TENM2: variants seen among roughly 807,000 people sequenced by gnomAD.
The protein encoded by TENM2 is teneurin transmembrane protein 2.
Under a neutral mutation model 245.2 loss-of-function variants are expected in TENM2, and 52 were observed. The ratio of observed to expected loss-of-function variants is 0.21; its 90% CI spans 0.17 to 0.27. TENM2 has a LOEUF of 0.27. Ranked by LOEUF, TENM2 falls within the 10% of genes least tolerant of loss-of-function variation. The pLI is 1.00. For synonymous variants in TENM2, 1,363 were observed against 1,438.9 expected (o/e 0.95, Z 1.19); for missense variants, 3,046 against 3,666.8 (o/e 0.83, Z 4.37).
chr5:167,242,568 T>A, the TENM2 span, among the ~76,000 whole-genome samples: 2 of 152,182 alleles, frequency 1.3e-5, no homozygotes, highest in Admixed American at 1.3e-4. Flanking sequence ...TTCTCCAGCC[T>A]ACTCTATGAG....
chr5:168,184,494 G>A (rs1327651393), intron 13 of TENM2, among the ~76,000 whole-genome samples: 3 of 152,224 alleles, frequency 2.0e-5, no homozygotes, highest in Non-Finnish European at 4.4e-5. Context: ...ATTGGAGAGA[G>A]ACTCACTTGC....
At chr5:168,074,169 C>A (rs1210520110) in intron 7 of TENM2, among the ~76,000 whole-genome samples, 1 of 152,140 alleles carries the variant, frequency 6.6e-6, no homozygotes, top group East Asian at 1.9e-4. Flanking sequence ...AGACACTTTA[C>A]CCTTTTCTAT....
chr5:168,000,436 G>T (rs557822913), intron 5 of TENM2, among the ~76,000 whole-genome samples: 3 of 152,264 alleles, frequency 2.0e-5, no homozygotes, highest in Non-Finnish European at 4.4e-5. Flanking sequence ...TTTGAAGTCT[G>T]GCCTGTATAC....
At position 167,411,513 on chromosome 5, in the gene TENM2, A is replaced by G. The variant is rs1270102903; in HGVS notation, c.502+36040A>G. 2.6e-5 allele frequency among the ~76,000 whole-genome samples: 4 copies of G among 151,524 alleles called. No individual in the cohort carries two copies. In the East Asian group the frequency reaches 5.8e-4, roughly 22 times the overall value. ...TCTAAATTATCAGTCTCCAAAGGCT[A>G]TGATATTTGTTACCCAAGTTGTGTC... On this transcript the variant is annotated intron_variant, in intron 2 of 28. Transcript: ENST00000518659.
chr5:167,434,116 A>G (rs1474913449), intron 2 of TENM2, among the ~76,000 whole-genome samples: 1 of 152,150 alleles, frequency 6.6e-6, no homozygotes, highest in East Asian at 1.9e-4. Context: ...TATTGGAATC[A>G]TATTAATTCA....
At chr5:167,372,050 A>G (rs962713209) in intron 1 of TENM2, among the ~76,000 whole-genome samples, 6 of 152,160 alleles carry the variant, frequency 3.9e-5, no homozygotes, top group African/African-American at 1.4e-4. Context: ...ATTGGCAAGG[A>G]GTGAACCTGT....
the TENM2 span, among the ~76,000 whole-genome samples, chr5:167,099,625 G>T: frequency 6.6e-6 from 1 of 152,180 alleles, no homozygotes; most frequent in East Asian, 1.9e-4. Flanking sequence ...AACCCGGGAG[G>T]TGGAGGTTGC....
chr5:167,664,790 T>A (rs1224715836), intron 2 of TENM2, among the ~76,000 whole-genome samples: 1 of 152,236 alleles, frequency 6.6e-6, no homozygotes, highest in Non-Finnish European at 1.5e-5. Context: ...TGGTGTGACA[T>A]GATGATAGTT....
At chr5:167,417,790 C>T (rs375389742) in intron 2 of TENM2, among the ~76,000 whole-genome samples, 2 of 152,096 alleles carry the variant, frequency 1.3e-5, no homozygotes, top group East Asian at 1.9e-4. Flanking sequence ...CATCAACTAC[C>T]GTGCAGCACT....
chr5:168,259,596 A>G (rs1768003065), intron 27 of TENM2, among the ~76,000 whole-genome samples: 1 of 152,156 alleles, frequency 6.6e-6, no homozygotes, highest in Admixed American at 6.5e-5. Flanking sequence ...TCAAAAAAAA[A>G]GAGAGTAGGA....
chr5:167,375,888 A>G (rs1384984265), intron 2 of TENM2, among the ~76,000 whole-genome samples: 1 of 152,078 alleles, frequency 6.6e-6, no homozygotes, highest in East Asian at 1.9e-4. Context: ...ATCCCACCTT[A>G]TCTTAGACTT....
chr5:167,749,410 C>A (rs1212215851), intron 2 of TENM2, among the ~76,000 whole-genome samples: 1 of 152,008 alleles, frequency 6.6e-6, no homozygotes, highest in African/African-American at 2.4e-5. Flanking sequence ...GAGGCCGAAG[C>A]GGGCAGATCA....
intron 2 of TENM2, among the ~76,000 whole-genome samples, chr5:167,684,598 T>A (rs1316438082): frequency 1.3e-5 from 2 of 152,238 alleles, no homozygotes; most frequent in African/African-American, 4.8e-5. Context: ...AACAAAGAGA[T>A]AATTTAGTTA....
At chr5:168,050,779 G>A (rs1467860412) in intron 6 of TENM2, among the ~76,000 whole-genome samples, 1 of 152,182 alleles carries the variant, frequency 6.6e-6, no homozygotes, top group African/African-American at 2.4e-5. Flanking sequence ...AATTAGTTGG[G>A]AGAGTACATT....
At chr5:167,958,814 C>A (rs754215298) in intron 4 of TENM2, among the ~76,000 whole-genome samples, 3 of 152,158 alleles carry the variant, frequency 2.0e-5, no homozygotes, top group Non-Finnish European at 4.4e-5. Context: ...GGCGCCCACT[C>A]TCTTCTGGCT....
At chr5:167,415,779 T>C (rs1763135236) in intron 2 of TENM2, among the ~76,000 whole-genome samples, 1 of 152,154 alleles carries the variant, frequency 6.6e-6, no homozygotes, top group African/African-American at 2.4e-5. Context: ...TTCTGGAGGT[T>C]ATGTTGAATG....
chr5:167,154,843 A>G, the TENM2 span, among the ~76,000 whole-genome samples: 41 of 152,348 alleles, frequency 2.7e-4, no homozygotes, highest in African/African-American at 6.0e-4. Context: ...AGTACTACAT[A>G]TAAAGTAATT....
intron 1 of TENM2, among the ~76,000 whole-genome samples, chr5:167,356,213 A>G (rs1300096945): frequency 1.1e-4 from 14 of 122,946 alleles, no homozygotes; most frequent in African/African-American, 4.1e-4. Context: ...AAAAAAAAAA[A>G]AAAAAAAATT....
rs532948011 is a variant in TENM2, at chr5:167,540,558, G to A, written c.502+165085G>A. 8.5e-5 allele frequency among the ~76,000 whole-genome samples: 13 copies of A among 152,284 alleles called. No homozygotes were observed. In the South Asian group the frequency reaches 2.5e-3, roughly 29 times the overall value. On this transcript the variant is annotated intron_variant, in intron 2 of 28. Transcript: ENST00000518659. ...GTGGCTGGTTTCACACCAAAACAGG[G>A]CGAGTTGAGCAGTTGCGACAGAGAC...
Sources: allele counts gnomAD v4.1 joint callset (sites outside exome capture counted in the v4.1 genomes callset), GRCh38; gene constraint gnomAD v4.1.1; transcripts MANE v1.5; gene names NCBI Gene and HGNC (gene_info 2026-07-23, HGNC 2026-07-21).